ANKS1B: variants seen among roughly 807,000 people sequenced by gnomAD.
The protein encoded by ANKS1B is ankyrin repeat and sterile alpha motif domain-containing protein 1B.
ANKS1B carries 36 observed loss-of-function variants against 148.3 expected under a neutral mutation model. That is an observed-to-expected ratio of 0.24 (90% CI 0.19 to 0.32). The LOEUF (loss-of-function observed/expected upper bound fraction) is 0.32, where lower values mean the gene tolerates loss of function less well. ANKS1B is among the 10% of genes least tolerant of loss of function. The probability of loss-of-function intolerance (pLI) is 1.00; values close to 1 mark genes in which losing one functional copy is unlikely to be tolerated. For missense variants in ANKS1B, 1,157 were observed against 1,542.6 expected, an observed-to-expected ratio of 0.75 and a Z score of 4.19; for synonymous variants, 542 against 560.8, an observed-to-expected ratio of 0.97 and a Z score of 0.47.
At chr12:99,624,805 A>G (rs1023475156) in intron 9 of ANKS1B, among the ~76,000 whole-genome samples, 4 of 152,074 alleles carry the variant, frequency 2.6e-5, no homozygotes, top group African/African-American at 7.2e-5. Flanking sequence ...TATGAATGTA[A>G]ACTACTTCTG....
At chr12:99,537,198 T>C (rs971663318) in intron 9 of ANKS1B, among the ~76,000 whole-genome samples, 1 of 152,192 alleles carries the variant, frequency 6.6e-6, no homozygotes, top group South Asian at 2.1e-4. Context: ...ATCTTAGCTA[T>C]TGTAAACAGT....
rs369512823 is a variant in ANKS1B, at chr12:99,483,688, G to A, written c.1438+20788C>T. The stretch of plus-strand genomic sequence containing the variant: ...GGATTCAATCCACTGCTTGTTTTTG[G>A]TGTCTTTATGGTTTCTATTTCTTCT... On this transcript the variant is annotated intron_variant, in intron 10 of 26. Coordinates refer to ENST00000683438, the MANE Select transcript of ANKS1B (RefSeq NM_001352186.2). 2.6e-5 allele frequency among the ~76,000 whole-genome samples: 4 copies of A among 151,818 alleles called. No individual in the cohort carries two copies. The East Asian group carries it at 7.7e-4, about 29-fold the overall frequency.
chr12:99,215,858 T>C (rs1158507661), intron 14 of ANKS1B, among the ~76,000 whole-genome samples: 1 of 152,142 alleles, frequency 6.6e-6, no homozygotes, highest in African/African-American at 2.4e-5. Flanking sequence ...AATGCTAAAA[T>C]GAGTTAAGAC....
At chr12:99,267,618 G>A (rs2076579168) in intron 12 of ANKS1B, among the ~76,000 whole-genome samples, 1 of 149,470 alleles carries the variant, frequency 6.7e-6, no homozygotes, top group Non-Finnish European at 1.5e-5. Flanking sequence ...GTATCACACT[G>A]AGGCACTAGA....
At chr12:99,033,089 T>G (rs2153466090) in intron 17 of ANKS1B, among the ~76,000 whole-genome samples, 1 of 152,304 alleles carries the variant, frequency 6.6e-6, no homozygotes, top group East Asian at 1.9e-4. Flanking sequence ...GGTCAATGGT[T>G]TTTAACCCTG....
chr12:99,805,283 A>AAAAAAAAAAAAAAAAC (rs1333956748), intron 4 of ANKS1B, among the ~76,000 whole-genome samples: 2 of 148,710 alleles, frequency 1.3e-5, no homozygotes, highest in African/African-American at 2.5e-5. Flanking sequence ...AAAAAAAAAA[A>AAAAAAAAAAAAAAAAC]AAAAAGACTA....
intron 9 of ANKS1B, among the ~76,000 whole-genome samples, chr12:99,598,930 C>T (rs4421837): frequency 0.4 from 60,003 of 151,786 alleles, 12,825 homozygotes; most frequent in Admixed American, 0.49. Flanking sequence ...GTTGGGTGGG[C>T]CACGCTCCCT....
intron 9 of ANKS1B, among the ~76,000 whole-genome samples, chr12:99,581,925 A>G (rs1053104058): frequency 4.0e-5 from 6 of 151,550 alleles, no homozygotes; most frequent in African/African-American, 1.5e-4. Flanking sequence ...AGAAAAAAGA[A>G]AATGAAAAGT....
rs576891828 is a variant in ANKS1B at position 98,812,347 on chromosome 12, G to A, written c.3067-4429C>T. 4.6e-5 allele frequency among the ~76,000 whole-genome samples: 7 copies of A among 152,268 alleles called. No individual in the cohort carries two copies. In the South Asian group the frequency reaches 1.5e-3, roughly 32 times the overall value. ...AGTAACATGCTGTACAGGTTGGGAG[G>A]AGCAATAGGCTAGATCATATACAGC... is the stretch of plus-strand genomic sequence containing the variant. On this transcript the variant is annotated intron_variant, in intron 19 of 26. Coordinates refer to ENST00000683438, the MANE Select transcript of ANKS1B (RefSeq NM_001352186.2).
At chr12:99,505,387 G>C (rs2096700167) in intron 9 of ANKS1B, among the ~76,000 whole-genome samples, 1 of 151,806 alleles carries the variant, frequency 6.6e-6, no homozygotes, top group Admixed American at 6.6e-5. Flanking sequence ...TAAATGTCTT[G>C]CCATCCAGCA....
chr12:99,748,095 T>A (rs911681468), intron 8 of ANKS1B, among the ~76,000 whole-genome samples: 2 of 152,264 alleles, frequency 1.3e-5, no homozygotes, highest in Middle Eastern at 6.8e-3. Flanking sequence ...AGCTAGCTCA[T>A]CTTGTTAGAG....
chr12:99,981,529 A>T (rs2095702136), intron 1 of ANKS1B, among the ~76,000 whole-genome samples: 1 of 152,120 alleles, frequency 6.6e-6, no homozygotes, highest in African/African-American at 2.4e-5. Context: ...ATAGCAAAAA[A>T]TGTTCAGATT....
At chr12:98,836,820 T>C (rs1339614039) in intron 17 of ANKS1B, among the ~76,000 whole-genome samples, 1 of 152,172 alleles carries the variant, frequency 6.6e-6, no homozygotes, top group African/African-American at 2.4e-5. Context: ...GATTCAGTTA[T>C]TCTAAGATGT....
intron 17 of ANKS1B, among the ~76,000 whole-genome samples, chr12:98,902,522 T>C (rs1163045105): frequency 6.6e-6 from 1 of 152,194 alleles, no homozygotes; most frequent in Non-Finnish European, 1.5e-5. Context: ...TAGGAAAATA[T>C]GGTTAAATCA....
intron 9 of ANKS1B, among the ~76,000 whole-genome samples, chr12:99,547,650 C>A (rs1229794605): frequency 3.9e-5 from 6 of 152,148 alleles, no homozygotes; most frequent in Non-Finnish European, 7.3e-5. Context: ...AACTACTCAA[C>A]TGAGTGGCAA....
chr12:99,895,470 C>T lies in ANKS1B; in HGVS notation c.135-70081G>A, dbSNP rs1401259178. ...TTTCGATTCTATTTCTCTGGAGAAC[C>T]TTAGTAATATAGGATAGTAAGAAAT... On this transcript the variant is annotated intron_variant, in intron 1 of 26. Transcript: ENST00000683438. 2.0e-5 allele frequency among the ~76,000 whole-genome samples: 3 copies of T among 150,230 alleles called. No homozygotes were observed. In the East Asian group the frequency reaches 5.8e-4, roughly 29 times the overall value.
intron 8 of ANKS1B, among the ~76,000 whole-genome samples, chr12:99,666,857 G>GGT (rs3083633): frequency 0.064 from 8,424 of 132,548 alleles, 260 homozygotes; most frequent in South Asian, 0.077. Flanking sequence ...GTTACTATGG[G>GGT]GTGTGTGTGT....
Position 99,694,437 on chromosome 12 carries a change from T to TA in ANKS1B, c.1129-39228dup, listed in dbSNP as rs561215216. On this transcript the variant is annotated intron_variant, in intron 8 of 26. Transcript: ENST00000683438. The stretch of plus-strand genomic sequence containing the variant: ...CTGGGTGACAGAGTGAGACTTCATC[T>TA]AAAAAAAAAAAAAAAGAATTGTCAG... Among the ~76,000 whole-genome samples, 318 of 132,894 alleles carry TA rather than the reference T, an allele frequency of 2.4e-3. 1 individual carries two copies. Among genetic ancestry groups the TA allele is most frequent in the South Asian group, 9.7e-3 (40 of 4,118 alleles). 87.2% of individuals were successfully genotyped at this position (132,894 alleles called of 152,430 possible).
chr12:99,001,809 T>C (rs1349961178), intron 17 of ANKS1B, among the ~76,000 whole-genome samples: 1 of 152,244 alleles, frequency 6.6e-6, no homozygotes. Context: ...CATCTATTTC[T>C]CCTACCTCTG....
Sources: allele counts gnomAD v4.1 joint callset (sites outside exome capture counted in the v4.1 genomes callset), GRCh38; gene constraint gnomAD v4.1.1; transcripts MANE v1.5; gene names NCBI Gene and HGNC (gene_info 2026-07-23, HGNC 2026-07-21).